The following CELF2 variants were observed in gnomAD, a reference collection of about 807,000 sequenced individuals.
CELF2 encodes CUG triplet repeat RNA-binding protein 2.
Under a neutral mutation model 62.6 loss-of-function variants are expected in CELF2, and 8 were observed. That is an observed-to-expected ratio of 0.13 (90% CI 0.07 to 0.23). CELF2 has a LOEUF of 0.23. CELF2 is among the 10% of genes least tolerant of loss of function. CELF2 has a pLI of 1.00. For synonymous variants in CELF2, 258 were observed against 250.0 expected (o/e 1.03, Z -0.30); for missense variants, 333 against 671.0 (o/e 0.50, Z 5.56).
At chr10:10,869,292 G>A (rs540575339) in intron 1 of CELF2, among the ~76,000 whole-genome samples, 8 of 152,078 alleles carry the variant, frequency 5.3e-5, no homozygotes, top group East Asian at 1.9e-4. Flanking sequence ...GGTGGGGCGC[G>A]GTGGCTCACA....
chr10:10,564,670 ACACG>A, the CELF2 span, among the ~76,000 whole-genome samples: 27 of 98,554 alleles, frequency 2.7e-4, no homozygotes, highest in Middle Eastern at 4.8e-3. Context: ...ACACACACAC[ACACG>A]CACACACGCA....
At chr10:11,088,119 A>G (rs2068692) in intron 1 of CELF2, among the ~76,000 whole-genome samples, 64,556 of 152,058 alleles carry the variant, frequency 0.42, 14,204 homozygotes, top group East Asian at 0.75. Context: ...GCAAAAGCCA[A>G]TGCCCACACA....
intron 1 of CELF2, among the ~76,000 whole-genome samples, chr10:10,903,860 T>C (rs569198884): frequency 1.6e-4 from 25 of 152,300 alleles, no homozygotes; most frequent in East Asian, 3.9e-4. Flanking sequence ...CAAGCAGTCA[T>C]TGGGGAGGCC....
the CELF2 span, among the ~76,000 whole-genome samples, chr10:10,603,784 T>TACATACAC: frequency 2.4e-4 from 35 of 148,446 alleles, no homozygotes; most frequent in Middle Eastern, 3.2e-3. Flanking sequence ...TATTTACACA[T>TACATACAC]ACACACACAC....
In CELF2 at chr10:11,335,922, T is replaced by TG. The variant is rs1212268726; in HGVS notation, c.*6870dup. The TG allele has an allele frequency of 4.6e-5, 7 of 152,248 alleles. No homozygotes were observed. The highest frequency in any genetic ancestry group is 1.2e-4 in the African/African-American group (5 of 41,462). 9.4% of individuals were successfully genotyped at this position (152,248 alleles called of 1,614,324 possible). ...AATTCTCCAAAGAAGGGGATGAAAATGCTAGTTCCTTTAAGCACTTACTGA... is the reference window on the plus strand; with the variant it reads ...AATTCTCCAAAGAAGGGGATGAAAATGGCTAGTTCCTTTAAGCACTTACTGA... On this transcript the variant is annotated 3_prime_UTR_variant, in exon 13 of 13. Coordinates refer to ENST00000633077, the MANE Select transcript of CELF2 (RefSeq NM_001326342.2). The surrounding 1 kb of genome is among the most constrained non-coding windows in gnomAD (Gnocchi z 5.0).
At chr10:10,789,467 C>A in the CELF2 span, among the ~76,000 whole-genome samples, 3 of 152,138 alleles carry the variant, frequency 2.0e-5, no homozygotes, top group African/African-American at 4.8e-5. Flanking sequence ...TGCACATAAA[C>A]CTTTAAGAAG....
At chr10:10,528,294 G>A in the CELF2 span, among the ~76,000 whole-genome samples, 1 of 152,174 alleles carries the variant, frequency 6.6e-6, no homozygotes, top group African/African-American at 2.4e-5. Flanking sequence ...ATTGCTGGGA[G>A]GGCAGAAAGA....
the CELF2 span, among the ~76,000 whole-genome samples, chr10:10,658,279 TGA>T: frequency 2.0e-4 from 31 of 151,596 alleles, no homozygotes; most frequent in African/African-American, 6.6e-4. Flanking sequence ...TTTATGGCCT[TGA>T]GAGTGTTGAA....
chr10:11,114,875 G>C (rs2056195746), intron 1 of CELF2, among the ~76,000 whole-genome samples: 1 of 152,128 alleles, frequency 6.6e-6, no homozygotes. Context: ...CATCACAATT[G>C]TGTTTTCTTT....
At chr10:11,059,510 C>T (rs887341021) in intron 1 of CELF2, among the ~76,000 whole-genome samples, 5 of 152,086 alleles carry the variant, frequency 3.3e-5, no homozygotes, top group Admixed American at 1.3e-4. Context: ...AAGGCTAAGG[C>T]TGATTGAAGG....
the CELF2 span, among the ~76,000 whole-genome samples, chr10:10,765,857 C>T: frequency 6.6e-6 from 1 of 152,164 alleles, no homozygotes; most frequent in East Asian, 1.9e-4. Flanking sequence ...CATCATCATT[C>T]AACTCAGAAG....
intron 1 of CELF2, among the ~76,000 whole-genome samples, chr10:10,889,753 T>C (rs1469893099): frequency 6.6e-6 from 1 of 152,248 alleles, no homozygotes; most frequent in African/African-American, 2.4e-5. Context: ...TCCTTCCTCC[T>C]GCCCCAGCCC....
At chr10:11,185,296 T>A (rs2074555974) in intron 2 of CELF2, among the ~76,000 whole-genome samples, 1 of 152,130 alleles carries the variant, frequency 6.6e-6, no homozygotes, top group Non-Finnish European at 1.5e-5. Context: ...TGTCTTAGCC[T>A]CCCAAAGTGC....
the CELF2 span, among the ~76,000 whole-genome samples, chr10:10,511,808 G>A: frequency 3.3e-5 from 5 of 152,062 alleles, no homozygotes; most frequent in African/African-American, 9.7e-5. Context: ...ACTTCAAACC[G>A]CCAGCAGCCC....
At chr10:10,674,349 T>G in the CELF2 span, among the ~76,000 whole-genome samples, 1 of 152,236 alleles carries the variant, frequency 6.6e-6, no homozygotes, top group African/African-American at 2.4e-5. Flanking sequence ...TGCTTTCTTT[T>G]GATTAGTGTT....
rs191058273 is a variant in CELF2, at chr10:11,039,450, G to T, written c.74+21287G>T. ...TGGTTGTGTGAATTATACCATTAGG[G>T]TGGTGAGCTATGTAGTCACGGTCAC... On this transcript the variant is annotated intron_variant, in intron 1 of 12. Coordinates refer to ENST00000633077, the MANE Select transcript of CELF2 (RefSeq NM_001326342.2). The surrounding 1 kb of genome is among the most constrained non-coding windows in gnomAD (Gnocchi z 4.1). 6.6e-6 allele frequency among the ~76,000 whole-genome samples: 1 copy of T among 152,252 alleles called. No individual in the cohort carries two copies. The highest frequency in any genetic ancestry group is 2.4e-5 in the African/African-American group (1 of 41,556).
At chr10:11,153,868 C>T (rs942356433) in intron 1 of CELF2, among the ~76,000 whole-genome samples, 1 of 152,148 alleles carries the variant, frequency 6.6e-6, no homozygotes, top group Non-Finnish European at 1.5e-5. Flanking sequence ...TATCGAGGAA[C>T]CTGTGCTCTT....
intron 2 of CELF2, among the ~76,000 whole-genome samples, chr10:11,179,767 G>A (rs1012880584): frequency 5.9e-5 from 9 of 152,184 alleles, no homozygotes; most frequent in Admixed American, 5.2e-4. Context: ...TGAAGGCTCT[G>A]TGATCCTATA....
At chr10:10,544,630 G>A in the CELF2 span, among the ~76,000 whole-genome samples, 1 of 152,316 alleles carries the variant, frequency 6.6e-6, no homozygotes, top group East Asian at 1.9e-4. Context: ...AAGAAAAAGT[G>A]AGTGGAAGAT....
Sources: gnomAD v4.1 joint callset for allele counts (sites outside exome capture counted in the v4.1 genomes callset) on GRCh38, gnomAD v4.1.1 for gene constraint, Gnocchi (gnomAD v3.1) non-coding constraint, MANE v1.5 for transcripts, NCBI Gene and HGNC (gene_info 2026-07-23, HGNC 2026-07-21) for gene names.